Variants in LINGO2 observed in about 807,000 individuals in gnomAD.
The protein encoded by LINGO2 is leucine-rich repeat and immunoglobulin-like domain-containing nogo receptor-interacting protein 2.
In LINGO2, 14 loss-of-function variants were observed where a neutral mutation model predicts 30.6. The ratio of observed to expected loss-of-function variants is 0.46; its 90% CI spans 0.30 to 0.72. The LOEUF is 0.72. Ranked by LOEUF, LINGO2 falls within the 30% of genes least tolerant of loss-of-function variation. The probability of loss-of-function intolerance (pLI) is 0.07; values close to 1 mark genes in which losing one functional copy is unlikely to be tolerated. For missense variants in LINGO2, 729 were observed against 751.7 expected (o/e 0.97, Z 0.35); for synonymous variants, 317 against 288.5 (o/e 1.10, Z -1.00).
the LINGO2 span, among the ~76,000 whole-genome samples, chr9:28,747,427 C>A: frequency 6.6e-6 from 1 of 151,998 alleles, no homozygotes. Context: ...TCTTCCTGGA[C>A]GTTGGACAAA....
In LINGO2 at chr9:28,512,602, T is replaced by C. The variant is rs976918458; in HGVS notation, c.-364-36577A>G. Among the ~76,000 whole-genome samples the C allele has an allele frequency of 7.2e-4, 2 of 2,764 alleles. 1 individual carries two copies. Among genetic ancestry groups the C allele is most frequent in the East Asian group, 4.4e-3 (2 of 454 alleles). 1.8% of individuals were successfully genotyped at this position (2,764 alleles called of 152,430 possible). ...CAGGATATATATGTGTGTATATATA[T>C]ATATATATATATATATATATATATA... On this transcript the variant is annotated intron_variant, in intron 1 of 5. Transcript: ENST00000379992.
At chr9:28,298,395 G>A (rs1824003741) in intron 3 of LINGO2, among the ~76,000 whole-genome samples, 1 of 151,656 alleles carries the variant, frequency 6.6e-6, no homozygotes, top group Non-Finnish European at 1.5e-5. Flanking sequence ...GCTGGGCGCA[G>A]TGGCTCACAC....
chr9:27,962,643 T>C (rs75664466), intron 5 of LINGO2, among the ~76,000 whole-genome samples: 7,756 of 152,186 alleles, frequency 0.051, 364 homozygotes, highest in African/African-American at 0.1. Context: ...TGGAGGAATG[T>C]TGTGCTTTGT....
At chr9:27,994,926 T>C (rs930727942) in intron 5 of LINGO2, among the ~76,000 whole-genome samples, 5 of 152,136 alleles carry the variant, frequency 3.3e-5, no homozygotes, top group Non-Finnish European at 5.9e-5. Context: ...CTCAATAAAC[T>C]CTCTGCTCTT....
intron 1 of LINGO2, among the ~76,000 whole-genome samples, chr9:28,603,475 G>A (rs1463787052): frequency 6.6e-6 from 1 of 151,956 alleles, no homozygotes; most frequent in Non-Finnish European, 1.5e-5. Flanking sequence ...CTGAACTGAT[G>A]TCTGCAGAAT....
chr9:28,511,006 TTTGA>T (rs112838675), intron 1 of LINGO2, among the ~76,000 whole-genome samples: 7 of 152,108 alleles, frequency 4.6e-5, no homozygotes, highest in African/African-American at 1.7e-4. Context: ...CTCCTTTATG[TTTGA>T]TGGCAGCTGA....
intron 1 of LINGO2, among the ~76,000 whole-genome samples, chr9:28,501,809 C>T (rs1015197141): frequency 2.0e-5 from 3 of 151,988 alleles, no homozygotes; most frequent in Non-Finnish European, 2.9e-5. Context: ...ATTTTTCCAT[C>T]GATTTACAAT....
chr9:28,386,583 A>G (rs1339360319), intron 2 of LINGO2, among the ~76,000 whole-genome samples: 1 of 152,208 alleles, frequency 6.6e-6, no homozygotes, highest in African/African-American at 2.4e-5. Context: ...AATATCTTCA[A>G]TAAATACAAA....
the LINGO2 span, among the ~76,000 whole-genome samples, chr9:28,879,634 A>G: frequency 2.3e-3 from 348 of 152,244 alleles, no homozygotes; most frequent in African/African-American, 8.0e-3. Flanking sequence ...ATTGGCTCAC[A>G]CTGACACTTT....
At chr9:28,544,243 T>C (rs1821832698) in intron 1 of LINGO2, among the ~76,000 whole-genome samples, 1 of 152,000 alleles carries the variant, frequency 6.6e-6, no homozygotes, top group South Asian at 2.1e-4. Flanking sequence ...AAATAATAAT[T>C]GCTCAAACTA....
chr9:28,197,560 T>G (rs920288480), intron 4 of LINGO2, among the ~76,000 whole-genome samples: 1 of 151,994 alleles, frequency 6.6e-6, no homozygotes, highest in Non-Finnish European at 1.5e-5. Context: ...TTTATTAATA[T>G]ATGTTCCAGA....
intron 4 of LINGO2, among the ~76,000 whole-genome samples, chr9:28,236,295 C>A (rs561925284): frequency 1.2e-3 from 190 of 152,274 alleles, no homozygotes; most frequent in African/African-American, 4.3e-3. Flanking sequence ...GAGATTTCAT[C>A]AACACCAGAC....
At chr9:28,397,087 T>C (rs946462225) in intron 2 of LINGO2, among the ~76,000 whole-genome samples, 3 of 152,112 alleles carry the variant, frequency 2.0e-5, no homozygotes, top group Non-Finnish European at 4.4e-5. Context: ...GGAATGTTTG[T>C]CAAGTAACTC....
At chr9:28,885,468 T>C in the LINGO2 span, among the ~76,000 whole-genome samples, 3 of 67,218 alleles carry the variant, frequency 4.5e-5, no homozygotes, top group Admixed American at 5.3e-4. Flanking sequence ...TACATATATA[T>C]ATACATACAT....
chr9:28,657,945 T>C (rs1828427081), intron 1 of LINGO2, among the ~76,000 whole-genome samples: 1 of 152,050 alleles, frequency 6.6e-6, no homozygotes, highest in Non-Finnish European at 1.5e-5. Context: ...TCTAATGCAT[T>C]TTTATCTTCA....
the LINGO2 span, among the ~76,000 whole-genome samples, chr9:29,054,983 C>A: frequency 6.6e-6 from 1 of 152,112 alleles, no homozygotes; most frequent in African/African-American, 2.4e-5. Flanking sequence ...CTTAGGGAGG[C>A]CGAGGCAGGT....
chr9:28,400,852 A>T (rs1342713584), intron 2 of LINGO2, among the ~76,000 whole-genome samples: 1 of 152,174 alleles, frequency 6.6e-6, no homozygotes, highest in Admixed American at 6.5e-5. Context: ...AATTCAACAT[A>T]TGAGGGTGTT....
chr9:27,972,376 A>C (rs1820397805), intron 5 of LINGO2, among the ~76,000 whole-genome samples: 1 of 152,200 alleles, frequency 6.6e-6, no homozygotes, highest in African/African-American at 2.4e-5. Flanking sequence ...GGATATAAGA[A>C]AGCTAGACTT....
At chr9:28,509,642 T>TGG (rs1820291254) in intron 1 of LINGO2, among the ~76,000 whole-genome samples, 1 of 152,118 alleles carries the variant, frequency 6.6e-6, no homozygotes, top group African/African-American at 2.4e-5. Context: ...GTCATAAGGG[T>TGG]GGGACCTCAA....
Sources: allele counts gnomAD v4.1 joint callset (sites outside exome capture counted in the v4.1 genomes callset), GRCh38; gene constraint gnomAD v4.1.1; transcripts MANE v1.5; gene names NCBI Gene and HGNC (gene_info 2026-07-23, HGNC 2026-07-21).